The following GSPT1 variants were observed in gnomAD, a reference collection of about 807,000 sequenced individuals.
GSPT1 encodes the protein G1 to S phase transition 1.
Under a neutral mutation model 72.5 loss-of-function variants are expected in GSPT1, and 20 were observed. That is an observed-to-expected ratio of 0.28 (90% confidence interval 0.19 to 0.40). The LOEUF is 0.40. Among genes scored for constraint, GSPT1 ranks in the 10% least tolerant of loss-of-function variants. The pLI is 1.00. For missense variants in GSPT1, 580 were observed against 811.9 expected (o/e 0.71, Z 3.47); for synonymous variants, 334 against 293.5 (o/e 1.14, Z -1.41).
chr16:11,897,793 G>A lies in GSPT1; in HGVS notation c.436+47C>T, dbSNP rs573980280. On this transcript the variant is annotated intron_variant, in intron 3 of 14. Coordinates refer to ENST00000434724, the MANE Select transcript of GSPT1 (RefSeq NM_002094.4). ...ATAATGCACCTTAAATCTTGAGAGT[G>A]AAAGAGTTTCATATTACTGTATTAA... The A allele has an allele frequency of 2.9e-5, 27 of 929,670 alleles. No individual in the cohort carries two copies. In the African/African-American group the frequency reaches 4.2e-4, roughly 15 times the overall value. The allele number at this position is 929,670 out of a possible 1,614,324, so 57.6% of individuals were successfully genotyped here.
chr16:11,889,655 C>T (rs1223560374), intron 6 of GSPT1, among the ~76,000 whole-genome samples: 2 of 151,770 alleles, frequency 1.3e-5, no homozygotes, highest in African/African-American at 4.8e-5. Flanking sequence ...TTAGAGCATG[C>T]GCCACCATGC....
rs1475131473 is a variant in GSPT1 at position 11,915,759 on chromosome 16, A to T, written c.-39T>A. Reference sequence around the variant, plus strand: ...GTGTGTGTGGTGGACAGAGAGCGGGAAATGGAGGCAGGGGCGCCCGGCCGG... The same window carrying T: ...GTGTGTGTGGTGGACAGAGAGCGGGTAATGGAGGCAGGGGCGCCCGGCCGG... On this transcript the variant is annotated 5_prime_UTR_variant, in exon 1 of 15. Coordinates refer to ENST00000434724, the MANE Select transcript of GSPT1 (RefSeq NM_002094.4). 6 of 1,553,750 alleles carry T rather than the reference A, an allele frequency of 3.9e-6. No individual in the cohort carries two copies. Among genetic ancestry groups the T allele is most frequent in the Non-Finnish European group, 5.2e-6 (6 of 1,156,520 alleles).
At chr16:11,913,994 A>C (rs1277177035) in intron 1 of GSPT1, among the ~76,000 whole-genome samples, 1 of 152,192 alleles carries the variant, frequency 6.6e-6, no homozygotes. Flanking sequence ...CGGTGACAAA[A>C]GTTTCTGTAG....
Position 11,891,157 on chromosome 16 carries a change from A to AG in GSPT1, c.699-19_699-18insC. The AG allele has an allele frequency of 7.7e-7, 1 of 1,305,342 alleles. No homozygotes were observed. The highest frequency in any genetic ancestry group is 1.0e-6 in the Non-Finnish European group (1 of 953,506). The allele number at this position is 1,305,342 out of a possible 1,614,324, so 80.9% of individuals were successfully genotyped here. On this transcript the variant is annotated intron_variant, in intron 5 of 14. Coordinates refer to ENST00000434724, the MANE Select transcript of GSPT1 (RefSeq NM_002094.4). ...TCAAATACCTGAAAACATTTAAAGA[A>AG]AAAAAAAAGTAAACAATTACTCACA...
At position 11,891,007 on chromosome 16, in the gene GSPT1, A is replaced by T. The variant is rs552790415; in HGVS notation, c.776+55T>A. ...ATTTTAACAGGCTCCAAAAGCACTA[A>T]GTGGGCATCGTCTCCTTAAAAGTAA... On this transcript the variant is annotated intron_variant, in intron 6 of 14. Coordinates refer to ENST00000434724, the MANE Select transcript of GSPT1 (RefSeq NM_002094.4). 7 of 772,802 alleles carry T rather than the reference A, an allele frequency of 9.1e-6. No individual in the cohort carries two copies. In the South Asian group the frequency reaches 9.7e-5, roughly 11 times the overall value. The allele number at this position is 772,802 out of a possible 1,614,324, so 47.9% of individuals were successfully genotyped here. A position where few individuals can be genotyped will look rare whatever the true frequency, so the allele number is the denominator to read the frequency against.
At chr16:11,896,430 C>A in intron 4 of GSPT1, 128 bp downstream of exon 4, 1 of 665,964 alleles carries the variant, frequency 1.5e-6, no homozygotes, top group Non-Finnish European at 2.5e-6. Flanking sequence ...TAAAAAAAAT[C>A]AGCAAGTTAA....
rs2054187013 is a variant in GSPT1, at chr16:11,886,393, C to T, written c.1253+78G>A. The T allele has an allele frequency of 4.6e-6, 4 of 873,266 alleles. No individual in the cohort carries two copies. The Admixed American group carries it at 8.0e-5, about 17-fold the overall frequency. 54.1% of individuals were successfully genotyped at this position (873,266 alleles called of 1,614,324 possible). The stretch of plus-strand genomic sequence containing the variant: ...CTCAAAAGCATATGTTAACATGTTA[C>T]TCAGCATATGTCTTTATAAGTAATT... On this transcript the variant is annotated intron_variant, in intron 9 of 14. Transcript: ENST00000434724.
chr16:11,916,036 C>T (rs970846467), upstream of GSPT1: 4 of 639,518 alleles, frequency 6.3e-6, no homozygotes, highest in African/African-American at 7.3e-5. Context: ...TCGCCGCCAC[C>T]CGTACCTTCG....
chr16:11,895,054 A>G (rs2054316774), intron 4 of GSPT1, 67 bp from the exon 5 acceptor site: 4 of 915,972 alleles, frequency 4.4e-6, no homozygotes, highest in South Asian at 1.4e-5. Context: ...TATGCAAACA[A>G]CAGCACCCTT....
intron 7 of GSPT1, 90 bp from the exon 8 acceptor site, chr16:11,887,021 G>GTTA: frequency 1.8e-6 from 1 of 545,750 alleles, no homozygotes; most frequent in African/African-American, 2.1e-5. Flanking sequence ...TATATCACGA[G>GTTA]TTTTTTTTTT....
At chr16:11,890,297 G>C (rs752126946) in intron 6 of GSPT1, among the ~76,000 whole-genome samples, 9 of 152,126 alleles carry the variant, frequency 5.9e-5, no homozygotes, top group Non-Finnish European at 1.0e-4. Context: ...ACTGTCCTCA[G>C]ATATTTTTGA....
chr16:11,904,863 T>A (rs2054468860), intron 1 of GSPT1, among the ~76,000 whole-genome samples: 1 of 152,110 alleles, frequency 6.6e-6, no homozygotes, highest in Admixed American at 6.6e-5. Context: ...GGCAGGAGGA[T>A]CACTTGAGGC....
upstream of GSPT1, among the ~76,000 whole-genome samples, chr16:11,916,411 G>A (rs2054638282): frequency 6.6e-6 from 1 of 152,202 alleles, no homozygotes. Flanking sequence ...TCTATAACAT[G>A]GGGAAGAAAA....
intron 11 of GSPT1, among the ~76,000 whole-genome samples, chr16:11,879,345 G>T (rs968271652): frequency 6.6e-6 from 1 of 151,968 alleles, no homozygotes; most frequent in Non-Finnish European, 1.5e-5. Context: ...AGTGAGCTGA[G>T]ATGGCGCCAC....
chr16:11,909,251 A>G (rs2054527875), intron 1 of GSPT1, among the ~76,000 whole-genome samples: 1 of 152,206 alleles, frequency 6.6e-6, no homozygotes, highest in East Asian at 1.9e-4. Context: ...AACTTAGAGT[A>G]CTGTAACAAC....
chr16:11,878,061 CT>C (rs2054069452), intron 11 of GSPT1, among the ~76,000 whole-genome samples: 1 of 152,122 alleles, frequency 6.6e-6, no homozygotes, highest in Admixed American at 6.6e-5. Context: ...ACATCATTTC[CT>C]TTTGGTGTAA....
At chr16:11,883,213 G>A in intron 10 of GSPT1, 118 bp from the exon 11 acceptor site, 1 of 660,162 alleles carries the variant, frequency 1.5e-6, no homozygotes, top group Non-Finnish European at 2.7e-6. Flanking sequence ...TGCTTAAGTA[G>A]AAGGCTTAGG....
upstream of GSPT1, chr16:11,915,959 A>G (rs1241210377): frequency 1.4e-6 from 1 of 730,496 alleles, no homozygotes; most frequent in East Asian, 2.7e-5. Flanking sequence ...GTGTGAGCGG[A>G]TCTCCTCCCA....
chr16:11,896,486 C>T lies in GSPT1; in HGVS notation c.664+72G>A, dbSNP rs537098677. The stretch of plus-strand genomic sequence containing the variant: ...AATTTCCTTCAGTTTCACTAAACAT[C>T]TCCAGGTAGCTAAAAAGGATGTTCT... On this transcript the variant is annotated intron_variant, in intron 4 of 14. Transcript: ENST00000434724. 20 of 830,988 alleles carry T rather than the reference C, an allele frequency of 2.4e-5. 1 individual carries two copies. The African/African-American group carries it at 3.1e-4, about 13-fold the overall frequency. 51.5% of individuals were successfully genotyped at this position (830,988 alleles called of 1,614,324 possible). A position where few individuals can be genotyped will look rare whatever the true frequency, so the allele number is the denominator to read the frequency against.
Sources: allele counts gnomAD v4.1 joint callset (sites outside exome capture counted in the v4.1 genomes callset), GRCh38; gene constraint gnomAD v4.1.1; transcripts MANE v1.5; gene names NCBI Gene and HGNC (gene_info 2026-07-23, HGNC 2026-07-21).